HNRNPA1: variants seen among roughly 807,000 people sequenced by gnomAD.
HNRNPA1 encodes the protein heterogeneous nuclear ribonucleoprotein A1, also known as epididymis secretory sperm binding protein.
HNRNPA1 carries 7 observed loss-of-function variants against 44.4 expected under a neutral mutation model. The observed-to-expected ratio is 0.16, with a 90% CI of 0.09 to 0.30. The LOEUF (loss-of-function observed/expected upper bound fraction) is 0.30. Among genes scored for constraint, HNRNPA1 ranks in the 10% least tolerant of loss-of-function variants. The probability of loss-of-function intolerance (pLI) is 1.00; values close to 1 mark genes in which losing one functional copy is unlikely to be tolerated. For missense variants in HNRNPA1, 193 were observed against 465.8 expected, an observed-to-expected ratio of 0.41 and a Z score of 5.39; for synonymous variants, 169 against 160.6, an observed-to-expected ratio of 1.05 and a Z score of -0.40.
chr12:54,282,747 G>A, intron 6 of HNRNPA1, 53 bp from the exon 7 acceptor site: 1 of 1,587,298 alleles, frequency 6.3e-7, no homozygotes, highest in East Asian at 2.2e-5. Context: ...ACTGCATTCA[G>A]AATGTCACTT....
chr12:54,284,706 T>C lies in HNRNPA1; in HGVS notation c.*162T>C. On this transcript the variant is annotated 3_prime_UTR_variant, in exon 11 of 11. Transcript: ENST00000340913. ...ATACTCATGTGTATGGGCAAAAAAC[T>C]CGAGGACTGTATTTGTGACTAATTG... 1 of 472,230 alleles carries C rather than the reference T, an allele frequency of 2.1e-6. No homozygotes were observed. Among genetic ancestry groups the C allele is most frequent in the East Asian group, 5.7e-5 (1 of 17,524 alleles). 29.3% of individuals were successfully genotyped at this position (472,230 alleles called of 1,614,324 possible).
rs534640891 is a variant in HNRNPA1 at position 54,285,702 on chromosome 12, A to G, written c.*1158A>G. On this transcript the variant is annotated 3_prime_UTR_variant, in exon 11 of 11. Coordinates refer to ENST00000340913, the MANE Select transcript of HNRNPA1 (RefSeq NM_031157.4). ...TATAGAAAATGATTTCTAAACCTTT[A>G]ACAGTTAATATCCAATAATGTGTTA... 105 of 152,292 alleles carry G rather than the reference A, an allele frequency of 6.9e-4. No individual in the cohort carries two copies. Among genetic ancestry groups the G allele is most frequent in the Middle Eastern group, 3.4e-3 (1 of 294 alleles). The allele number at this position is 152,292 out of a possible 1,614,324, so 9.4% of individuals were successfully genotyped here.
At chr12:54,280,879 A>G (rs772574733) in intron 1 of HNRNPA1, 57 bp downstream of exon 1, 18 of 1,591,300 alleles carry the variant, frequency 1.1e-5, no homozygotes, top group Non-Finnish European at 1.5e-5. Context: ...CTGAATCGGT[A>G]AGATGCTGCT....
chr12:54,281,955 T>A lies in HNRNPA1; in HGVS notation c.279+14T>A. The A allele has an allele frequency of 6.2e-7, 1 of 1,612,446 alleles. No homozygotes were observed. Among genetic ancestry groups the A allele is most frequent in the Non-Finnish European group, 8.5e-7 (1 of 1,179,884 alleles). The stretch of plus-strand genomic sequence containing the variant: ...GTCTCCAGAGAAGTGAGTGGGTTTT[T>A]TTTCTTCTTCTTCTTAAACTTACTT... On this transcript the variant is annotated intron_variant, in intron 3 of 10. Coordinates refer to ENST00000340913, the MANE Select transcript of HNRNPA1 (RefSeq NM_031157.4).
At chr12:54,281,205 A>G (rs1944159444) in intron 1 of HNRNPA1, 181 bp from the exon 2 acceptor site, 2 of 701,516 alleles carry the variant, frequency 2.9e-6, no homozygotes, top group African/African-American at 1.8e-5. Flanking sequence ...TGCGCTTGCG[A>G]TTTCCTAGCA....
chr12:54,285,091 C>T lies in HNRNPA1; in HGVS notation c.*547C>T, dbSNP rs1166768627. The T allele has an allele frequency of 2.5e-5, 4 of 160,004 alleles. No individual in the cohort carries two copies. Among genetic ancestry groups the T allele is most frequent in the African/African-American group, 9.7e-5 (4 of 41,360 alleles). 9.9% of individuals were successfully genotyped at this position (160,004 alleles called of 1,614,324 possible). ...GAAGTTCACCATTAAAAGGGATTAC[C>T]CAAGCAAAATCATGGAATGGTTATA... On this transcript the variant is annotated 3_prime_UTR_variant, in exon 11 of 11. Coordinates refer to ENST00000340913, the MANE Select transcript of HNRNPA1 (RefSeq NM_031157.4).
chr12:54,284,165 G>C (rs1944227854), intron 9 of HNRNPA1, 93 bp from the exon 10 acceptor site: 14 of 1,408,080 alleles, frequency 9.9e-6, no homozygotes, highest in Non-Finnish European at 1.2e-5. Flanking sequence ...ATTTTTAAAT[G>C]GCCAGACACT....
At chr12:54,281,220 C>T (rs1592170325) in intron 1 of HNRNPA1, 166 bp from the exon 2 acceptor site, 2 of 705,870 alleles carry the variant, frequency 2.8e-6, no homozygotes, top group East Asian at 5.1e-5. Flanking sequence ...CTAGCACTCC[C>T]AACTCCAGCA....
intron 1 of HNRNPA1, chr12:54,281,091 C>T (rs1252520437): frequency 4.3e-6 from 3 of 701,366 alleles, no homozygotes; most frequent in African/African-American, 1.7e-5. Flanking sequence ...TAAACCTTGC[C>T]TTGGTGAGCG....
rs1187951418 is a variant in HNRNPA1, at chr12:54,285,814, C to G, written c.*1270C>G. On this transcript the variant is annotated 3_prime_UTR_variant, in exon 11 of 11. Coordinates refer to ENST00000340913, the MANE Select transcript of HNRNPA1 (RefSeq NM_031157.4). ...CCTAGTAGCATAGAGATTTGTCTAT[C>G]AATAGGACTGTATATTCCATCCCAT... 7.4e-6 allele frequency: 1 copy of G among 135,410 alleles called. No individual in the cohort carries two copies. Among genetic ancestry groups the G allele is most frequent in the African/African-American group, 2.7e-5 (1 of 36,682 alleles). The allele number at this position is 135,410 out of a possible 1,614,324, so 8.4% of individuals were successfully genotyped here.
chr12:54,284,312 A>G lies in HNRNPA1; in HGVS notation c.1118A>G (p.Ter373=), dbSNP rs763454964. ...AGCTATGGCAGTGGCAGAAGATTTT[A>G]ATTAGGTAAGTAAGCACCTTTTTGT... The part of the protein sequence containing the change: ...SSSYGSGRRF[*] Residue 373 remains the stop codon, a stop_retained_variant, in exon 10 of 11, where the codon TAA becomes TGA. Transcript: ENST00000340913. 1 of 1,613,834 alleles carries G rather than the reference A, an allele frequency of 6.2e-7. No homozygotes were observed. Among genetic ancestry groups the G allele is most frequent in the Non-Finnish European group, 8.5e-7 (1 of 1,179,824 alleles).
At position 54,280,727 on chromosome 12, in the gene HNRNPA1, G is replaced by A; in HGVS notation, c.-81G>A. ...AAGAGAGGGCGAAGGTAGGCTGGCAGATACGTTCGTCAGCTTGCTCCTTTC... is the reference window on the plus strand; with the variant it reads ...AAGAGAGGGCGAAGGTAGGCTGGCAAATACGTTCGTCAGCTTGCTCCTTTC... On this transcript the variant is annotated 5_prime_UTR_variant, in exon 1 of 11. Transcript: ENST00000340913. 1 of 1,534,238 alleles carries A rather than the reference G, an allele frequency of 6.5e-7. No homozygotes were observed. Among genetic ancestry groups the A allele is most frequent in the East Asian group, 2.2e-5 (1 of 44,476 alleles).
Position 54,282,885 on chromosome 12 carries a change from T to C in HNRNPA1, c.751+11T>C. The C allele has an allele frequency of 1.3e-6, 2 of 1,545,048 alleles. No individual in the cohort carries two copies. Among genetic ancestry groups the C allele is most frequent in the Non-Finnish European group, 1.7e-6 (2 of 1,144,096 alleles). ...GATTTGGTAATGATGGTAAGTTTTT[T>C]AGGAATAAGTAGAGAAAAATTCCTG... On this transcript the variant is annotated intron_variant, in intron 7 of 10. Transcript: ENST00000340913.
Position 54,283,828 on chromosome 12 carries a change from T to G in HNRNPA1, c.924T>G (p.Gly308=), listed in dbSNP as rs1270256852. ...CATTCATAGGAAGCAATTTTGGAGG[T>G]GGTGGAAGCTACAATGATTTTGGGA... The part of the protein sequence containing the change: ...FGGGSGSNFG[G]GGSYNDFGNY... The change falls in exon 9 of 11, where the codon GGT becomes GGG. Residue 308 remains glycine, a synonymous_variant. Coordinates refer to ENST00000340913, the MANE Select transcript of HNRNPA1 (RefSeq NM_031157.4). The G allele has an allele frequency of 6.2e-7, 1 of 1,613,780 alleles. No individual in the cohort carries two copies. Among genetic ancestry groups the G allele is most frequent in the Non-Finnish European group, 8.5e-7 (1 of 1,179,850 alleles).
intron 8 of HNRNPA1, 147 bp from the exon 9 acceptor site, chr12:54,283,665 G>A (rs1218163083): frequency 5.9e-5 from 46 of 784,690 alleles, no homozygotes; most frequent in Non-Finnish European, 9.4e-5. Context: ...GCCTTTCCCA[G>A]AGAATGAAAT....
chr12:54,281,247 A>C, intron 1 of HNRNPA1, 139 bp from the exon 2 acceptor site: 2 of 722,418 alleles, frequency 2.8e-6, no homozygotes, highest in Middle Eastern at 2.4e-4. Context: ...CTCCCTTGAT[A>C]GGCAGAAGCA....
rs373725729 is a variant in HNRNPA1 at position 54,282,085 on chromosome 12, A to G, written c.280-5A>G. The G allele has an allele frequency of 1.7e-5, 27 of 1,611,668 alleles. No individual in the cohort carries two copies. In the African/African-American group the frequency reaches 2.3e-4, roughly 14 times the overall value. ...AATCTAAACCTATGGTTTTTCTCCTATTAGGATTCTCAAAGACCAGGTGCC... is the reference window on the plus strand; with the variant it reads ...AATCTAAACCTATGGTTTTTCTCCTGTTAGGATTCTCAAAGACCAGGTGCC... On this transcript the variant is annotated splice_region_variant and splice_polypyrimidine_tract_variant and intron_variant, in intron 3 of 10. Coordinates refer to ENST00000340913, the MANE Select transcript of HNRNPA1 (RefSeq NM_031157.4).
intron 1 of HNRNPA1, 126 bp downstream of exon 1, chr12:54,280,948 C>G: frequency 9.6e-7 from 1 of 1,042,300 alleles, no homozygotes; most frequent in Non-Finnish European, 1.5e-6. Context: ...CCACGGCCTA[C>G]CCCTCCCAAA....
At chr12:54,282,367 C>T (rs1190193503) in intron 4 of HNRNPA1, 27 bp from the exon 5 acceptor site, 3 of 1,608,886 alleles carry the variant, frequency 1.9e-6, no homozygotes, top group Non-Finnish European at 2.6e-6. Context: ...ACCCTGATAC[C>T]ATGTTGTATC....
Sources: allele counts gnomAD v4.1 joint callset, GRCh38; gene constraint gnomAD v4.1.1; transcripts MANE v1.5; gene names NCBI Gene and HGNC (gene_info 2026-07-23, HGNC 2026-07-21).